DNAH11: variants seen among roughly 807,000 people sequenced by gnomAD.
The protein encoded by DNAH11 is dynein axonemal heavy chain 11.
DNAH11 carries 442 observed loss-of-function variants against 526.0 expected under a neutral mutation model. The observed-to-expected ratio is 0.84, with a 90% confidence interval of 0.78 to 0.91. The LOEUF (loss-of-function observed/expected upper bound fraction) is 0.91. Among genes scored for constraint, DNAH11 ranks in the 40% least tolerant of loss-of-function variants. The pLI is 0.00. For synonymous variants in DNAH11, 2,461 were observed against 1,935.9 expected (o/e 1.27, Z -7.12); for missense variants, 6,989 against 5,448.7 (o/e 1.28, Z -8.90).
At chr7:21,560,579 G>T (rs1352276849) in intron 4 of DNAH11, among the ~76,000 whole-genome samples, 1 of 152,192 alleles carries the variant, frequency 6.6e-6, no homozygotes, top group African/African-American at 2.4e-5. Context: ...ATGTTCAAGG[G>T]CAGGAAGCGT....
In DNAH11 at chr7:21,778,950, T is replaced by G; in HGVS notation, c.9337-8T>G. 1 of 1,612,270 alleles carries G rather than the reference T, an allele frequency of 6.2e-7. No individual in the cohort carries two copies. The highest frequency in any genetic ancestry group is 8.5e-7 in the Non-Finnish European group (1 of 1,178,712). On this transcript the variant is annotated splice_polypyrimidine_tract_variant and splice_region_variant and intron_variant, in intron 56 of 81. Transcript: ENST00000409508. ...CCAGTGACGTAAGAATAATGACTTT[T>G]GCTTTAGGTGGGAGATCTAAAAGCC...
chr7:21,561,445 G>GT (rs562572484), intron 5 of DNAH11: 315 of 268,228 alleles, frequency 1.2e-3, no homozygotes, highest in African/African-American at 7.3e-3. Flanking sequence ...TTCATTCGGA[G>GT]TTAAAAAAAA....
intron 65 of DNAH11, among the ~76,000 whole-genome samples, chr7:21,822,346 C>T (rs773165508): frequency 1.3e-5 from 2 of 152,034 alleles, no homozygotes; most frequent in South Asian, 2.1e-4. Flanking sequence ...GAGCCAGGCT[C>T]TTTTAAACAA....
chr7:21,623,744 A>C (rs927797936), intron 25 of DNAH11, among the ~76,000 whole-genome samples: 7 of 151,262 alleles, frequency 4.6e-5, no homozygotes, highest in African/African-American at 1.7e-4. Context: ...ATGTTCTCAC[A>C]CATAGGTGGG....
intron 30 of DNAH11, among the ~76,000 whole-genome samples, chr7:21,665,114 T>G (rs1445553383): frequency 6.6e-6 from 1 of 151,922 alleles, no homozygotes; most frequent in East Asian, 1.9e-4. Flanking sequence ...TCTCTTCCCC[T>G]TCCTCCCTCT....
intron 30 of DNAH11, among the ~76,000 whole-genome samples, chr7:21,677,585 C>A (rs1374245772): frequency 6.6e-6 from 1 of 152,178 alleles, no homozygotes; most frequent in East Asian, 1.9e-4. Context: ...GGGTTTCACC[C>A]CATTGGCCAG....
intron 57 of DNAH11, among the ~76,000 whole-genome samples, chr7:21,782,825 G>C (rs564209323): frequency 6.6e-6 from 1 of 151,758 alleles, no homozygotes; most frequent in Admixed American, 6.6e-5. Flanking sequence ...CAGGAGAATT[G>C]CTTGAATCCA....
intron 57 of DNAH11, among the ~76,000 whole-genome samples, chr7:21,781,867 CCTT>C (rs1050279153): frequency 3.0e-4 from 46 of 152,306 alleles, no homozygotes; most frequent in African/African-American, 8.9e-4. Flanking sequence ...TTTGGTTTCT[CCTT>C]CTGTGACTTG....
intron 57 of DNAH11, among the ~76,000 whole-genome samples, chr7:21,783,947 T>C (rs1293236736): frequency 1.3e-5 from 2 of 152,220 alleles, no homozygotes; most frequent in Non-Finnish European, 2.9e-5. Flanking sequence ...TTCTAGCCAG[T>C]TGATCAAAAG....
intron 2 of DNAH11, among the ~76,000 whole-genome samples, chr7:21,549,863 T>A (rs1782953007): frequency 6.6e-6 from 1 of 152,214 alleles, no homozygotes; most frequent in Admixed American, 6.5e-5. Context: ...GAGAGCTGTT[T>A]CTGATTTTCC....
intron 73 of DNAH11, among the ~76,000 whole-genome samples, chr7:21,872,242 C>T (rs960038635): frequency 2.7e-5 from 4 of 150,906 alleles, no homozygotes; most frequent in Non-Finnish European, 5.9e-5. Context: ...GTTAAGACTT[C>T]ACCATATGAA....
chr7:21,594,717 C>T (rs1024907960), intron 14 of DNAH11, among the ~76,000 whole-genome samples: 2 of 151,834 alleles, frequency 1.3e-5, no homozygotes, highest in East Asian at 1.9e-4. Context: ...TGGGCATGCT[C>T]GAGGAGGAGC....
chr7:21,641,501 C>T (rs750014105), intron 28 of DNAH11, among the ~76,000 whole-genome samples: 18 of 152,190 alleles, frequency 1.2e-4, no homozygotes, highest in Non-Finnish European at 2.2e-4. Flanking sequence ...ATACTCACCA[C>T]CTCTTTGTCC....
intron 25 of DNAH11, among the ~76,000 whole-genome samples, chr7:21,628,550 T>C (rs1220943495): frequency 6.6e-6 from 1 of 152,184 alleles, no homozygotes; most frequent in African/African-American, 2.4e-5. Flanking sequence ...AAAATAATCA[T>C]ATGGTTTTTC....
At chr7:21,664,609 C>T (rs995004779) in intron 30 of DNAH11, among the ~76,000 whole-genome samples, 11 of 152,062 alleles carry the variant, frequency 7.2e-5, no homozygotes, top group African/African-American at 2.7e-4. Flanking sequence ...CAGGTGCATA[C>T]TACCACAGCT....
At chr7:21,863,759 A>T (rs974105191) in intron 69 of DNAH11, among the ~76,000 whole-genome samples, 1 of 152,256 alleles carries the variant, frequency 6.6e-6, no homozygotes, top group African/African-American at 2.4e-5. Context: ...AAGTTTCATA[A>T]CTATATGGAT....
Position 21,901,480 on chromosome 7 carries a change from A to C in DNAH11, c.*226A>C. On this transcript the variant is annotated 3_prime_UTR_variant, in exon 82 of 82. Transcript: ENST00000409508. ...ATCCCAGTTACTCAGGAGGTAGGAGAATCACTTGAACCTAGGAGGCAAAGG... is the reference window on the plus strand; with the variant it reads ...ATCCCAGTTACTCAGGAGGTAGGAGCATCACTTGAACCTAGGAGGCAAAGG... 1 of 474,194 alleles carries C rather than the reference A, an allele frequency of 2.1e-6. No individual in the cohort carries two copies. Among genetic ancestry groups the C allele is most frequent in the South Asian group, 7.2e-5 (1 of 13,894 alleles). The allele number at this position is 474,194 out of a possible 1,614,324, so 29.4% of individuals were successfully genotyped here.
Position 21,543,105 on chromosome 7 carries a change from G to A in DNAH11, c.-141G>A. On this transcript the variant is annotated 5_prime_UTR_variant, in exon 1 of 82. Coordinates refer to ENST00000409508, the MANE Select transcript of DNAH11 (RefSeq NM_001277115.2). ...GCAGTGGCGCGGCTGCTAAGTAGCA[G>A]CAGGTGGGAGACTAGGGTCTGCGCT... 1 of 1,416,802 alleles carries A rather than the reference G, an allele frequency of 7.1e-7. No homozygotes were observed. Among genetic ancestry groups the A allele is most frequent in the Non-Finnish European group, 9.2e-7 (1 of 1,091,734 alleles). The allele number at this position is 1,416,802 out of a possible 1,614,324, so 87.8% of individuals were successfully genotyped here. A position where few individuals can be genotyped will look rare whatever the true frequency, so the allele number is the denominator to read the frequency against.
At chr7:21,854,104 G>C (rs1267277598) in intron 67 of DNAH11, among the ~76,000 whole-genome samples, 1 of 152,140 alleles carries the variant, frequency 6.6e-6, no homozygotes, top group Non-Finnish European at 1.5e-5. Flanking sequence ...CTAGAGTTAT[G>C]TCCATTCTCA....
Sources: allele counts gnomAD v4.1 joint callset (sites outside exome capture counted in the v4.1 genomes callset), GRCh38; gene constraint gnomAD v4.1.1; transcripts MANE v1.5; gene names NCBI Gene and HGNC (gene_info 2026-07-23, HGNC 2026-07-21).